Variants in ADAM11 observed in about 807,000 individuals in gnomAD.
The protein encoded by ADAM11 is ADAM metallopeptidase domain 11.
ADAM11 carries 49 observed loss-of-function variants against 119.1 expected under a neutral mutation model. The observed-to-expected ratio is 0.41, with a 90% confidence interval of 0.33 to 0.52. The LOEUF (loss-of-function observed/expected upper bound fraction) is 0.52, where lower values mean the gene tolerates loss of function less well. Among genes scored for constraint, ADAM11 ranks in the 20% least tolerant of loss-of-function variants. The pLI, the probability that ADAM11 is intolerant of heterozygous loss-of-function variation, is 0.20. For missense variants in ADAM11, 777 were observed against 1,047.5 expected (o/e 0.74, Z 3.56); for synonymous variants, 364 against 408.0 (o/e 0.89, Z 1.30).
chr17:44,769,634 G>A (rs916324705), intron 2 of ADAM11, 84 bp from the exon 3 acceptor site: 29 of 845,180 alleles, frequency 3.4e-5, no homozygotes, highest in Middle Eastern at 3.4e-4. Flanking sequence ...CCTTCCCCAG[G>A]GCTACTGTTG....
chr17:44,765,215 C>T (rs2049432699), intron 2 of ADAM11, among the ~76,000 whole-genome samples: 1 of 6,620 alleles, frequency 1.5e-4, no homozygotes, highest in East Asian at 4.7e-3. Flanking sequence ...GGGGAGCTGG[C>T]AGGTGGGTGG....
At chr17:44,779,174 G>A in intron 25 of ADAM11, 48 bp from the exon 26 acceptor site, 1 of 1,577,910 alleles carries the variant, frequency 6.3e-7, no homozygotes, top group South Asian at 1.2e-5. Context: ...GAAGCAAAAG[G>A]TCAGATGTCT....
chr17:44,759,444 C>G (rs1457921294), intron 1 of ADAM11, 184 bp downstream of exon 1: 1 of 1,247,800 alleles, frequency 8.0e-7, no homozygotes, highest in African/African-American at 1.6e-5. Context: ...GCTGGCCGGG[C>G]CCACCGCGTC....
rs1260090224 is a variant in ADAM11, at chr17:44,775,470, G to A, written c.1392+5G>A. 1 of 1,604,646 alleles carries A rather than the reference G, an allele frequency of 6.2e-7. No individual in the cohort carries two copies. Among genetic ancestry groups the A allele is most frequent in the East Asian group, 2.2e-5 (1 of 44,702 alleles). ...TGCGACTGCGGCTCGGTGCAGGTGA[G>A]CGGTGGTGCGGGCGCCAGGTGGGGA... On this transcript the variant is annotated splice_donor_5th_base_variant and intron_variant, in intron 16 of 26. Transcript: ENST00000200557. The surrounding 1 kb of genome is among the most constrained non-coding windows in gnomAD (Gnocchi z 7.5).
At position 44,772,556 on chromosome 17, in the gene ADAM11, T is replaced by A; in HGVS notation, c.678+90T>A. On this transcript the variant is annotated intron_variant, in intron 8 of 26. Coordinates refer to ENST00000200557, the MANE Select transcript of ADAM11 (RefSeq NM_002390.6). The surrounding 1 kb of genome is among the most constrained non-coding windows in gnomAD (Gnocchi z 4.5). Reference sequence around the variant, plus strand: ...GGCCCAGAGCAGGAGGGCACCCTCATCTATGGCTGGGGCGAAGGAAGGCTC... The same window carrying A: ...GGCCCAGAGCAGGAGGGCACCCTCAACTATGGCTGGGGCGAAGGAAGGCTC... 6.9e-7 allele frequency: 1 copy of A among 1,459,056 alleles called. No individual in the cohort carries two copies. The highest frequency in any genetic ancestry group is 9.3e-7 in the Non-Finnish European group (1 of 1,078,338). The allele number at this position is 1,459,056 out of a possible 1,614,324, so 90.4% of individuals were successfully genotyped here.
At position 44,777,022 on chromosome 17, in the gene ADAM11, G is replaced by A. The variant is rs929956484; in HGVS notation, c.1681+60G>A. On this transcript the variant is annotated intron_variant, in intron 20 of 26. Transcript: ENST00000200557. This position sits in a 1 kb window ranked among gnomAD's most constrained non-coding sequence, Gnocchi z 5.1. ...GAGGACCCAGAGCTGAGAAGCTGGG[G>A]AGAGTGGGTTCCAGCTGAACAGGCC... 38 of 1,579,380 alleles carry A rather than the reference G, an allele frequency of 2.4e-5. No individual in the cohort carries two copies. The highest frequency in any genetic ancestry group is 3.2e-5 in the Non-Finnish European group (37 of 1,156,744).
In ADAM11 at chr17:44,773,196, G is replaced by A. The variant is rs1001371761; in HGVS notation, c.826-65G>A. The stretch of plus-strand genomic sequence containing the variant: ...TCCCACTTCCTGGAGAGAACAGACA[G>A]GCCCTCCTCCAGCCCTGGCCCCAAC... On this transcript the variant is annotated intron_variant, in intron 10 of 26. Coordinates refer to ENST00000200557, the MANE Select transcript of ADAM11 (RefSeq NM_002390.6). The surrounding 1 kb of genome is among the most constrained non-coding windows in gnomAD (Gnocchi z 4.6). 215 of 1,589,852 alleles carry A rather than the reference G, an allele frequency of 1.4e-4. 1 individual carries two copies. In the Middle Eastern group the frequency reaches 1.5e-3, roughly 11 times the overall value.
Position 44,775,424 on chromosome 17 carries a change from T to C in ADAM11, c.1351T>C (p.Phe451Leu), listed in dbSNP as rs547772095. The C allele has an allele frequency of 6.2e-7, 1 of 1,611,170 alleles. No individual in the cohort carries two copies. The highest frequency in any genetic ancestry group is 2.2e-5 in the East Asian group (1 of 44,846). ...LLDPPECGNG[F>L]VEAGEECDCG... ...GGACCCCCCAGAGTGCGGGAACGGC[T>C]TCGTGGAGGCAGGGGAGGAGTGCGA... Residue 451 changes from phenylalanine to leucine, a missense_variant, in exon 16 of 27, where the codon TTC (phenylalanine) becomes CTC (leucine). Phe to Leu is a conservative substitution (Grantham distance 22). Around this residue, in one of 4 missense-constraint regions of ADAM11, gnomAD observed 348 missense variants for 486.7 expected, o/e 0.72. Transcript: ENST00000200557. The surrounding 1 kb of genome is among the most constrained non-coding windows in gnomAD (Gnocchi z 7.5).
intron 1 of ADAM11, 188 bp from the exon 2 acceptor site, chr17:44,759,534 C>T (rs1014185665): frequency 5.2e-5 from 65 of 1,246,208 alleles, no homozygotes; most frequent in Non-Finnish European, 6.0e-5. Flanking sequence ...GACGGTTGGG[C>T]GGGAGTGAAG....
At position 44,781,581 on chromosome 17, in the gene ADAM11, G is replaced by A. The variant is rs2049694465; in HGVS notation, c.*1827G>A. On this transcript the variant is annotated 3_prime_UTR_variant, in exon 27 of 27. Coordinates refer to ENST00000200557, the MANE Select transcript of ADAM11 (RefSeq NM_002390.6). The stretch of plus-strand genomic sequence containing the variant: ...AGTGTGAATACCTCTGCACATATGG[G>A]CGTATCTGTGTGTGCTCGTGTATAT... 1 of 152,352 alleles carries A rather than the reference G, an allele frequency of 6.6e-6. No individual in the cohort carries two copies. The highest frequency in any genetic ancestry group is 1.5e-5 in the Non-Finnish European group (1 of 68,106). The allele number at this position is 152,352 out of a possible 1,614,324, so 9.4% of individuals were successfully genotyped here.
chr17:44,779,777 C>T lies in ADAM11; in HGVS notation c.*23C>T. The T allele has an allele frequency of 1.9e-6, 3 of 1,612,642 alleles. No homozygotes were observed. The highest frequency in any genetic ancestry group is 1.1e-5 in the South Asian group (1 of 91,032). On this transcript the variant is annotated 3_prime_UTR_variant, in exon 27 of 27. Coordinates refer to ENST00000200557, the MANE Select transcript of ADAM11 (RefSeq NM_002390.6). ...TAAGTGCCACCCTCCTCCCTCCAAG[C>T]CTGGCACCCACCGTCTCGGCCCTGA...
chr17:44,767,399 C>T lies in ADAM11; in HGVS notation c.238-2319C>T, dbSNP rs867849578. Among the ~76,000 whole-genome samples the T allele has an allele frequency of 4.0e-5, 6 of 149,950 alleles. 1 individual carries two copies. The Middle Eastern group carries it at 0.011, about 266-fold the overall frequency. On this transcript the variant is annotated intron_variant, in intron 2 of 26. Coordinates refer to ENST00000200557, the MANE Select transcript of ADAM11 (RefSeq NM_002390.6). Reference sequence around the variant, plus strand: ...AAAAGAACATTGGCCTAATGCTGGGCGGGCTTGGGGCGGTCTTGGGACTCT... The same window carrying T: ...AAAAGAACATTGGCCTAATGCTGGGTGGGCTTGGGGCGGTCTTGGGACTCT...
At position 44,777,925 on chromosome 17, in the gene ADAM11, C is replaced by T. The variant is rs905318097; in HGVS notation, c.2071-27C>T. The T allele has an allele frequency of 2.5e-6, 4 of 1,613,662 alleles. No individual in the cohort carries two copies. Among genetic ancestry groups the T allele is most frequent in the African/African-American group, 1.3e-5 (1 of 74,934 alleles). On this transcript the variant is annotated intron_variant, in intron 23 of 26. Coordinates refer to ENST00000200557, the MANE Select transcript of ADAM11 (RefSeq NM_002390.6). The surrounding 1 kb of genome is among the most constrained non-coding windows in gnomAD (Gnocchi z 5.1). ...ACAAGAGGGGACAGGCCCCTGCTCACCTCTCCTGGCCCTGCCCTGCCTCTA... is the reference window on the plus strand; with the variant it reads ...ACAAGAGGGGACAGGCCCCTGCTCATCTCTCCTGGCCCTGCCCTGCCTCTA...
chr17:44,779,135 G>T, intron 25 of ADAM11, 87 bp from the exon 26 acceptor site: 1 of 1,519,726 alleles, frequency 6.6e-7, no homozygotes, highest in Non-Finnish European at 8.8e-7. Flanking sequence ...GCAAGGGGTC[G>T]CATGGCAGCC....
In ADAM11 at chr17:44,764,325, G is replaced by A. The variant is rs557601660; in HGVS notation, c.237+4428G>A. ...TTGTGTTTTCGTCCTGCAGAAAGGC[G>A]GAGGGCAGTTGAGTAAGGCTCACCC... On this transcript the variant is annotated intron_variant, in intron 2 of 26. Transcript: ENST00000200557. 3.5e-4 allele frequency among the ~76,000 whole-genome samples: 53 copies of A among 152,340 alleles called. 1 individual carries two copies. Among genetic ancestry groups the A allele is most frequent in the African/African-American group, 1.1e-3 (46 of 41,580 alleles).
rs540013422 is a variant in ADAM11, at chr17:44,765,151, T to C, written c.238-4567T>C. ...TCTGGCTGTTCTCATTGCCTGGGAA[T>C]CCCGCTGCCCTCTTGATAAATGGAG... is the stretch of plus-strand genomic sequence containing the variant. On this transcript the variant is annotated intron_variant, in intron 2 of 26. Transcript: ENST00000200557. 1.7e-4 allele frequency among the ~76,000 whole-genome samples: 25 copies of C among 147,820 alleles called. 1 individual carries two copies. The East Asian group carries it at 5.0e-3, about 30-fold the overall frequency.
At position 44,762,837 on chromosome 17, in the gene ADAM11, C is replaced by T. The variant is rs534611178; in HGVS notation, c.237+2940C>T. ...GACTGGGACAGGGGAAGAGATATAGCGGCCAAGAAGGAATTAGAAGCTGGA... is the reference window on the plus strand; with the variant it reads ...GACTGGGACAGGGGAAGAGATATAGTGGCCAAGAAGGAATTAGAAGCTGGA... On this transcript the variant is annotated intron_variant, in intron 2 of 26. Transcript: ENST00000200557. Among the ~76,000 whole-genome samples the T allele has an allele frequency of 1.7e-3, 260 of 152,068 alleles. 1 individual carries two copies. Among genetic ancestry groups the T allele is most frequent in the Non-Finnish European group, 3.0e-3 (205 of 67,970 alleles).
rs2145246370 is a variant in ADAM11, at chr17:44,778,046, G to A, written c.2165G>A (p.Gly722Glu). ...CCCCTGCCCACGTCCCCACCCACGG[G>A]GGAGACGGAGAGATATAAAGGTGAG... ...HNPLPTSPPT[G>E]ETERYKGPSG... The change falls in exon 24 of 27, where the codon GGG becomes GAG. Residue 722 changes from glycine (G) to glutamate (E), a missense_variant. Physicochemically the swap from Gly to Glu is moderately conservative, Grantham distance 98. Transcript: ENST00000200557. The A allele has an allele frequency of 1.9e-6, 3 of 1,613,452 alleles. No individual in the cohort carries two copies. Among genetic ancestry groups the A allele is most frequent in the East Asian group, 2.2e-5 (1 of 44,862 alleles).
In ADAM11 at chr17:44,772,363, G is replaced by T. The variant is rs558025769; in HGVS notation, c.610+30G>T. ...GGGAGGGAAGGGGGGGTGGGGAGGG[G>T]CCGGCTGTGCCCCCCTCACCTGCCC... On this transcript the variant is annotated intron_variant, in intron 7 of 26. Coordinates refer to ENST00000200557, the MANE Select transcript of ADAM11 (RefSeq NM_002390.6). The surrounding 1 kb of genome is among the most constrained non-coding windows in gnomAD (Gnocchi z 4.5). The T allele has an allele frequency of 6.3e-7, 1 of 1,579,822 alleles. No homozygotes were observed. The highest frequency in any genetic ancestry group is 8.6e-7 in the Non-Finnish European group (1 of 1,161,554).
Sources: allele counts gnomAD v4.1 joint callset (sites outside exome capture counted in the v4.1 genomes callset), GRCh38; gene constraint gnomAD v4.1.1; regional missense constraint gnomAD v4.1.1; non-coding constraint Gnocchi (gnomAD v3.1); transcripts MANE v1.5; gene names NCBI Gene and HGNC (gene_info 2026-07-23, HGNC 2026-07-21).